Variants in CNTN1 observed in about 807,000 individuals in gnomAD.
CNTN1 encodes the protein contactin 1.
CNTN1 carries 38 observed loss-of-function variants against 126.4 expected under a neutral mutation model. That is an observed-to-expected ratio of 0.30 (90% CI 0.23 to 0.39). The LOEUF (loss-of-function observed/expected upper bound fraction) is 0.39, where lower values mean the gene tolerates loss of function less well. Ranked by LOEUF, CNTN1 falls within the 10% of genes least tolerant of loss-of-function variation. CNTN1 has a pLI of 1.00. For missense variants in CNTN1, 1,009 were observed against 1,248.4 expected, an observed-to-expected ratio of 0.81 and a Z score of 2.89; for synonymous variants, 413 against 422.6, an observed-to-expected ratio of 0.98 and a Z score of 0.28.
At position 40,716,072 on chromosome 12, in the gene CNTN1, C is replaced by T. The variant is rs367622901; in HGVS notation, c.-77+23480C>T. The stretch of plus-strand genomic sequence containing the variant: ...GCATTCTAAAAATACTATCTCTAAG[C>T]CTCACATAAACTCAAAAGGTAACTT... On this transcript the variant is annotated intron_variant, in intron 1 of 23. Coordinates refer to ENST00000551295, the MANE Select transcript of CNTN1 (RefSeq NM_001843.4). Among the ~76,000 whole-genome samples the T allele has an allele frequency of 2.0e-5, 3 of 151,808 alleles. No homozygotes were observed. The East Asian group carries it at 5.8e-4, about 29-fold the overall frequency.
chr12:40,963,872 AGT>A (rs1429405932), intron 15 of CNTN1, among the ~76,000 whole-genome samples: 3 of 152,138 alleles, frequency 2.0e-5, no homozygotes, highest in African/African-American at 7.2e-5. Context: ...CAGCTAAAAG[AGT>A]GTCATTTAGA....
intron 1 of CNTN1, among the ~76,000 whole-genome samples, chr12:40,795,462 T>C (rs984961355): frequency 2.6e-5 from 4 of 151,930 alleles, no homozygotes; most frequent in Admixed American, 1.3e-4. Flanking sequence ...ATTATATGTG[T>C]GTATATGTGA....
intron 3 of CNTN1, among the ~76,000 whole-genome samples, chr12:40,914,588 A>T (rs570022721): frequency 6.6e-6 from 1 of 152,314 alleles, no homozygotes; most frequent in South Asian, 2.1e-4. Flanking sequence ...TGTGACGTGA[A>T]GTGTGTCCTA....
intron 1 of CNTN1, among the ~76,000 whole-genome samples, chr12:40,875,378 C>T (rs564026774): frequency 6.6e-6 from 1 of 152,094 alleles, no homozygotes; most frequent in Non-Finnish European, 1.5e-5. Context: ...CCTCCTGTTG[C>T]CCATTTGTAT....
At chr12:40,931,776 G>A (rs1372538) in intron 7 of CNTN1, among the ~76,000 whole-genome samples, 70,568 of 151,588 alleles carry the variant, frequency 0.47, 16,441 homozygotes, top group Admixed American at 0.5. Flanking sequence ...CAGAGATACT[G>A]ATTCAGCAGG....
intron 1 of CNTN1, among the ~76,000 whole-genome samples, chr12:40,722,013 C>T (rs919070804): frequency 4.6e-5 from 7 of 151,830 alleles, no homozygotes; most frequent in South Asian, 2.1e-4. Flanking sequence ...AATAAACATA[C>T]GTGTGCATGT....
At chr12:40,728,434 G>A (rs1038301393) in intron 1 of CNTN1, among the ~76,000 whole-genome samples, 6 of 152,160 alleles carry the variant, frequency 3.9e-5, no homozygotes, top group African/African-American at 1.4e-4. Context: ...AAGGCAACTA[G>A]TAGTAAGCTC....
intron 1 of CNTN1, among the ~76,000 whole-genome samples, chr12:40,796,010 T>C (rs993439397): frequency 6.6e-6 from 1 of 152,120 alleles, no homozygotes; most frequent in African/African-American, 2.4e-5. Context: ...ACCTGGGCTA[T>C]AATGCATGAA....
intron 1 of CNTN1, among the ~76,000 whole-genome samples, chr12:40,755,813 T>C (rs947712233): frequency 2.6e-5 from 4 of 152,020 alleles, no homozygotes; most frequent in African/African-American, 9.7e-5. Flanking sequence ...AATACAGTCT[T>C]GTAGACCCTT....
chr12:40,841,112 A>G (rs1378898079), intron 1 of CNTN1, among the ~76,000 whole-genome samples: 1 of 152,052 alleles, frequency 6.6e-6, no homozygotes, highest in Non-Finnish European at 1.5e-5. Context: ...AAAAAAGGAT[A>G]TATTACAACA....
At chr12:41,025,043 TATG>T in intron 20 of CNTN1, 104 bp from the exon 21 acceptor site, 1 of 1,065,920 alleles carries the variant, frequency 9.4e-7, no homozygotes, top group Non-Finnish European at 1.4e-6. Context: ...CATTTGAAAA[TATG>T]ATGATCAGCC....
At chr12:41,011,728 A>G (rs1012544951) in intron 17 of CNTN1, among the ~76,000 whole-genome samples, 3 of 151,940 alleles carry the variant, frequency 2.0e-5, no homozygotes, top group African/African-American at 7.3e-5. Flanking sequence ...CAATTGTTGC[A>G]CTCGCCTCCT....
intron 1 of CNTN1, among the ~76,000 whole-genome samples, chr12:40,712,733 A>G (rs1941953404): frequency 6.6e-6 from 1 of 152,172 alleles, no homozygotes; most frequent in Admixed American, 6.6e-5. Flanking sequence ...AATTCCTAGA[A>G]ATTTAATAAA....
intron 1 of CNTN1, among the ~76,000 whole-genome samples, chr12:40,793,846 T>C (rs1445484645): frequency 6.6e-6 from 1 of 152,030 alleles, no homozygotes; most frequent in Non-Finnish European, 1.5e-5. Context: ...CACAGCCTTA[T>C]AACATTATTC....
intron 1 of CNTN1, among the ~76,000 whole-genome samples, chr12:40,725,177 G>A (rs980646225): frequency 2.6e-5 from 4 of 152,038 alleles, no homozygotes; most frequent in African/African-American, 4.8e-5. Flanking sequence ...CAAGGCCGGT[G>A]GATCACCTGA....
chr12:40,745,069 A>AT (rs1318234217), intron 1 of CNTN1, among the ~76,000 whole-genome samples: 1 of 152,148 alleles, frequency 6.6e-6, no homozygotes, highest in African/African-American at 2.4e-5. Context: ...TTTAGCAGCT[A>AT]TAAAAAGCCC....
chr12:41,064,054 G>T (rs1338444222), intron 23 of CNTN1, among the ~76,000 whole-genome samples: 1 of 151,850 alleles, frequency 6.6e-6, no homozygotes, highest in Non-Finnish European at 1.5e-5. Context: ...GGCGCCTGTA[G>T]TCCCAGCTAC....
intron 12 of CNTN1, among the ~76,000 whole-genome samples, chr12:40,943,215 A>G (rs1008125137): frequency 2.6e-5 from 4 of 152,082 alleles, no homozygotes; most frequent in African/African-American, 7.2e-5. Context: ...ATACATTTAT[A>G]TTTCTCTGTA....
rs142079289 is a variant in CNTN1, at chr12:40,959,604, T to G, written c.1804+370T>G. Among the ~76,000 whole-genome samples the G allele has an allele frequency of 2.4e-3, 368 of 152,242 alleles. 1 individual carries two copies. The highest frequency in any genetic ancestry group is 8.5e-3 in the African/African-American group (355 of 41,580). ...GGAAAAGATATATACTGATGCTGTT[T>G]ACTATAACCTCAACTGTTATATATT... is the stretch of plus-strand genomic sequence containing the variant. On this transcript the variant is annotated intron_variant, in intron 15 of 23. Coordinates refer to ENST00000551295, the MANE Select transcript of CNTN1 (RefSeq NM_001843.4).
Sources: gnomAD v4.1 joint callset for allele counts (sites outside exome capture counted in the v4.1 genomes callset) on GRCh38, gnomAD v4.1.1 for gene constraint, MANE v1.5 for transcripts, NCBI Gene and HGNC (gene_info 2026-07-23, HGNC 2026-07-21) for gene names.